The following MAPRE2 variants were observed in gnomAD, a reference collection of about 807,000 sequenced individuals.
The protein encoded by MAPRE2 is microtubule associated protein RP/EB family member 2.
MAPRE2 carries 13 observed loss-of-function variants against 43.2 expected under a neutral mutation model. The ratio of observed to expected loss-of-function variants is 0.30; its 90% CI spans 0.20 to 0.48. The LOEUF (loss-of-function observed/expected upper bound fraction) is 0.48, where lower values mean the gene tolerates loss of function less well. Ranked by LOEUF, MAPRE2 falls within the 20% of genes least tolerant of loss-of-function variation. The probability of loss-of-function intolerance (pLI) is 0.99; values close to 1 mark genes in which losing one functional copy is unlikely to be tolerated. For missense variants in MAPRE2, 161 were observed against 400.2 expected, an observed-to-expected ratio of 0.40 and a Z score of 5.10; for synonymous variants, 135 against 148.8, an observed-to-expected ratio of 0.91 and a Z score of 0.68.
intron 2 of MAPRE2, among the ~76,000 whole-genome samples, chr18:35,017,177 A>G (rs2097038833): frequency 1.3e-5 from 2 of 148,280 alleles, no homozygotes; most frequent in African/African-American, 2.5e-5. Context: ...TACATGTACC[A>G]TGTTCCTTTG....
intron 1 of MAPRE2, among the ~76,000 whole-genome samples, chr18:35,067,625 A>G (rs1253299337): frequency 6.6e-6 from 1 of 152,094 alleles, no homozygotes; most frequent in African/African-American, 2.4e-5. Context: ...GGTGCCATCT[A>G]GCATAACCCT....
chr18:35,110,883 A>T (rs925903174), intron 4 of MAPRE2, among the ~76,000 whole-genome samples: 1 of 152,168 alleles, frequency 6.6e-6, no homozygotes, highest in African/African-American at 2.4e-5. Context: ...TTTTCTCCTT[A>T]TCTTTGGTTT....
rs976196219 is a variant in MAPRE2 at position 35,111,261 on chromosome 18, T to C, written c.610+9102T>C. ...CTTCATTTTTAAATTTCAGCTATTG[T>C]ATTTTTCTGTTTACTTTTTTTTCTT... is the stretch of plus-strand genomic sequence containing the variant. On this transcript the variant is annotated intron_variant, in intron 4 of 6. Coordinates refer to ENST00000300249, the MANE Select transcript of MAPRE2 (RefSeq NM_014268.4). Among the ~76,000 whole-genome samples, 13 of 152,324 alleles carry C rather than the reference T, an allele frequency of 8.5e-5. 1 individual carries two copies. The highest frequency in any genetic ancestry group is 3.9e-4 in the Admixed American group (6 of 15,298).
At chr18:35,023,376 G>C (rs1568974784) in intron 2 of MAPRE2, among the ~76,000 whole-genome samples, 1 of 151,990 alleles carries the variant, frequency 6.6e-6, no homozygotes, top group East Asian at 1.9e-4. Flanking sequence ...GCCAGGTGTG[G>C]TGGCAGGCGC....
chr18:35,136,171 A>G (rs557157955), intron 6 of MAPRE2, among the ~76,000 whole-genome samples: 15 of 152,290 alleles, frequency 9.8e-5, no homozygotes, highest in Admixed American at 3.3e-4. Flanking sequence ...TCCAGAGCAG[A>G]TACTTATTCT....
At chr18:34,998,771 AAT>A (rs1491573424) in intron 1 of MAPRE2, among the ~76,000 whole-genome samples, 10 of 111,216 alleles carry the variant, frequency 9.0e-5, no homozygotes, top group African/African-American at 3.7e-4. Context: ...CCGAAGTTGC[AAT>A]TTTTTTTTTT....
chr18:35,029,262 T>C (rs2097046667), intron 2 of MAPRE2, among the ~76,000 whole-genome samples: 1 of 152,174 alleles, frequency 6.6e-6, no homozygotes, highest in South Asian at 2.1e-4. Context: ...GGTCAGAAAA[T>C]GAGGAATTTC....
intron 3 of MAPRE2, among the ~76,000 whole-genome samples, chr18:35,101,607 T>C (rs1219633304): frequency 6.6e-6 from 1 of 152,192 alleles, no homozygotes; most frequent in East Asian, 1.9e-4. Context: ...GTTTTGATTT[T>C]TAGATCCCAC....
intron 1 of MAPRE2, among the ~76,000 whole-genome samples, chr18:34,986,425 A>G (rs576340924): frequency 6.6e-6 from 1 of 152,296 alleles, no homozygotes; most frequent in African/African-American, 2.4e-5. Flanking sequence ...AAAGTGGAAA[A>G]AAAGAGAGAC....
rs538592677 is a variant in MAPRE2, at chr18:35,132,106, C to T, written c.825C>T (p.Ile275=). ...RDFYFGKLRE[I]ELLCQEHGQE... Reference sequence around the variant, plus strand: ...TCTACTTTGGGAAGTTGAGAGAGATCGAGCTACTCTGCCAAGAACACGGGC... The same window carrying T: ...TCTACTTTGGGAAGTTGAGAGAGATTGAGCTACTCTGCCAAGAACACGGGC... The change falls in exon 6 of 7, where the codon ATC becomes ATT. Residue 275 remains isoleucine (I), a synonymous_variant. Transcript: ENST00000300249. 14 of 1,614,134 alleles carry T rather than the reference C, an allele frequency of 8.7e-6. No homozygotes were observed. The East Asian group carries it at 2.0e-4, about 23-fold the overall frequency.
At chr18:35,090,521 C>T (rs1908094142) in intron 2 of MAPRE2, among the ~76,000 whole-genome samples, 1 of 152,062 alleles carries the variant, frequency 6.6e-6, no homozygotes, top group Non-Finnish European at 1.5e-5. Flanking sequence ...CACCTGAGGT[C>T]AGGAGTTTGA....
intron 2 of MAPRE2, among the ~76,000 whole-genome samples, chr18:35,028,647 T>C (rs2097046427): frequency 6.6e-6 from 1 of 152,204 alleles, no homozygotes; most frequent in African/African-American, 2.4e-5. Context: ...ATAATTATAT[T>C]TGGCAAGCTC....
chr18:35,038,809 C>T (rs528566594), upstream of MAPRE2, among the ~76,000 whole-genome samples: 1 of 152,198 alleles, frequency 6.6e-6, no homozygotes. Flanking sequence ...ACCCCTGTTA[C>T]CCCTGCATCT....
At chr18:34,997,714 G>C (rs1292113298) in intron 1 of MAPRE2, among the ~76,000 whole-genome samples, 1 of 152,216 alleles carries the variant, frequency 6.6e-6, no homozygotes, top group African/African-American at 2.4e-5. Context: ...TATTCGGGAG[G>C]CTGAGGCAGG....
chr18:35,100,088 CACATGCTT>C (rs1419407550), intron 3 of MAPRE2, among the ~76,000 whole-genome samples: 1 of 152,104 alleles, frequency 6.6e-6, no homozygotes, highest in Non-Finnish European at 1.5e-5. Context: ...TTGTCTGAAT[CACATGCTT>C]ACACACTCAC....
chr18:35,071,931 G>A (rs533204093), intron 2 of MAPRE2, among the ~76,000 whole-genome samples: 6 of 152,246 alleles, frequency 3.9e-5, no homozygotes, highest in East Asian at 1.9e-4. Flanking sequence ...TATGAGGTCA[G>A]TAGTGGGTGC....
At chr18:35,041,266 G>C, upstream of MAPRE2, 1 of 1,317,330 alleles carries the variant, frequency 7.6e-7, no homozygotes. Flanking sequence ...GTCACGCCGC[G>C]ACCCTGTGCG....
At chr18:35,015,838 T>G (rs1241283785) in intron 2 of MAPRE2, among the ~76,000 whole-genome samples, 1 of 151,982 alleles carries the variant, frequency 6.6e-6, no homozygotes, top group Non-Finnish European at 1.5e-5. Context: ...ATTCTTGGGG[T>G]ACACATGCAG....
chr18:35,059,528 G>T (rs1393951132), intron 1 of MAPRE2, among the ~76,000 whole-genome samples: 1 of 152,232 alleles, frequency 6.6e-6, no homozygotes, highest in African/African-American at 2.4e-5. Flanking sequence ...AGATAAAGCT[G>T]TAAACAAAAC....
Sources: gnomAD v4.1 joint callset for allele counts (sites outside exome capture counted in the v4.1 genomes callset) on GRCh38, gnomAD v4.1.1 for gene constraint, MANE v1.5 for transcripts, NCBI Gene and HGNC (gene_info 2026-07-23, HGNC 2026-07-21) for gene names.